The following EED variants were observed in gnomAD, a reference collection of about 807,000 sequenced individuals.
EED encodes polycomb protein EED.
A neutral mutation model predicts 61.0 loss-of-function variants in EED; 9 were observed. That is an observed-to-expected ratio of 0.15 (90% confidence interval 0.09 to 0.26). The LOEUF (loss-of-function observed/expected upper bound fraction) is 0.26. EED is among the 10% of genes least tolerant of loss of function. The pLI, the probability that EED is intolerant of heterozygous loss-of-function variation, is 1.00. For synonymous variants in EED, 187 were observed against 174.4 expected (o/e 1.07, Z -0.57); for missense variants, 315 against 542.3 (o/e 0.58, Z 4.16).
intron 1 of EED, 131 bp from the exon 2 acceptor site, chr11:86,250,165 G>A (rs1945494207): frequency 1.3e-6 from 1 of 763,044 alleles, no homozygotes; most frequent in African/African-American, 1.8e-5. Context: ...TTATGTGGAG[G>A]CAAGAATACA....
chr11:86,287,546 A>G, the EED span, among the ~76,000 whole-genome samples: 2 of 152,168 alleles, frequency 1.3e-5, no homozygotes, highest in Non-Finnish European at 2.9e-5. Flanking sequence ...TTTCTCTTAC[A>G]TTTCTGCATA....
downstream of EED, among the ~76,000 whole-genome samples, chr11:86,281,020 A>G (rs936349812): frequency 2.0e-5 from 3 of 152,224 alleles, no homozygotes; most frequent in Non-Finnish European, 2.9e-5. Flanking sequence ...TAAATCCCAC[A>G]TGGTCATGGT....
chr11:86,257,340 CTTTTTTT>C (rs374892814), intron 5 of EED, among the ~76,000 whole-genome samples, 168 bp from the exon 6 acceptor site: 2 of 101,812 alleles, frequency 2.0e-5, no homozygotes, highest in East Asian at 5.3e-4. Context: ...TGCCTGGGGT[CTTTTTTT>C]TTTTTTTTTT....
intron 1 of EED, among the ~76,000 whole-genome samples, chr11:86,248,345 T>G (rs534608899): frequency 6.6e-6 from 1 of 152,332 alleles, no homozygotes. Flanking sequence ...ATAAGCAACG[T>G]GCCCTATTAA....
At chr11:86,249,627 A>C (rs1337651857) in intron 1 of EED, among the ~76,000 whole-genome samples, 1 of 152,078 alleles carries the variant, frequency 6.6e-6, no homozygotes, top group Non-Finnish European at 1.5e-5. Context: ...ATTTACTTTA[A>C]TTGTGATTGA....
intron 9 of EED, 49 bp from the exon 10 acceptor site, chr11:86,276,931 T>G (rs1273207406): frequency 7.0e-7 from 1 of 1,418,918 alleles, no homozygotes. Flanking sequence ...CTTTGTAAGA[T>G]TCAGTTCCTC....
chr11:86,268,634 TGC>T lies in EED; in HGVS notation c.966+76_966+77del, dbSNP rs1179392675. ...GTGTGTGTGTGTGTGTGTATGTGTG[TGC>T]GCATGTTGGAACTTGGCAGGGAGCA... is the stretch of plus-strand genomic sequence containing the variant. On this transcript the variant is annotated intron_variant, in intron 9 of 11. Transcript: ENST00000263360. The T allele has an allele frequency of 4.5e-4, 466 of 1,028,922 alleles. 5 individuals are homozygous for T. The African/African-American group carries it at 6.9e-3, about 15-fold the overall frequency. 63.7% of individuals were successfully genotyped at this position (1,028,922 alleles called of 1,614,324 possible).
At chr11:86,250,230 A>G (rs1945495417) in intron 1 of EED, 66 bp from the exon 2 acceptor site, 1 of 1,348,412 alleles carries the variant, frequency 7.4e-7, no homozygotes. Flanking sequence ...TCTTCCCAGT[A>G]GAGTTATTTA....
chr11:86,256,184 A>G (rs1047449858), intron 4 of EED, among the ~76,000 whole-genome samples: 1 of 152,218 alleles, frequency 6.6e-6, no homozygotes, highest in Non-Finnish European at 1.5e-5. Flanking sequence ...AGTAAACAAA[A>G]TTGAGTGGAG....
chr11:86,250,544 G>T (rs549688551), intron 2 of EED, 96 bp downstream of exon 2: 1 of 1,291,346 alleles, frequency 7.7e-7, no homozygotes, highest in South Asian at 2.4e-5. Flanking sequence ...CTGTCAAGTT[G>T]TAAATATTTT....
chr11:86,245,681 T>G (rs1945375130), intron 1 of EED, among the ~76,000 whole-genome samples: 1 of 151,914 alleles, frequency 6.6e-6, no homozygotes, highest in Non-Finnish European at 1.5e-5. Context: ...AAAGGCACGT[T>G]AGAGACTTTT....
intron 8 of EED, among the ~76,000 whole-genome samples, chr11:86,267,016 A>G (rs1211302845): frequency 6.6e-6 from 1 of 152,182 alleles, no homozygotes; most frequent in East Asian, 1.9e-4. Flanking sequence ...TCTAAGAATT[A>G]TTAAAAGTTT....
At chr11:86,247,132 T>C (rs1945411728) in intron 1 of EED, among the ~76,000 whole-genome samples, 1 of 152,262 alleles carries the variant, frequency 6.6e-6, no homozygotes, top group Admixed American at 6.5e-5. Context: ...GCTTATTTTC[T>C]TCTTGCAGAC....
At position 86,264,237 on chromosome 11, in the gene EED, G is replaced by A; in HGVS notation, c.700G>A (p.Gly234Arg). ...GGTGGCAATATTTGGAGGCGTAGAAGGGCACAGAGATGAAGTTCTAAGTGC... is the reference window on the plus strand; with the variant it reads ...GGTGGCAATATTTGGAGGCGTAGAAAGGCACAGAGATGAAGTTCTAAGTGC... Reference protein sequence around the residue: ...TLVAIFGGVEGHRDEVLSADY... With the variant: ...TLVAIFGGVERHRDEVLSADY... The change falls in exon 7 of 12, where the codon GGG becomes AGG. Residue 234 changes from glycine to arginine, a missense_variant. Coordinates refer to ENST00000263360, the MANE Select transcript of EED (RefSeq NM_003797.5). 1 of 1,613,902 alleles carries A rather than the reference G, an allele frequency of 6.2e-7. No homozygotes were observed. The highest frequency in any genetic ancestry group is 8.5e-7 in the Non-Finnish European group (1 of 1,179,872).
chr11:86,276,890 A>AT, intron 9 of EED, 90 bp from the exon 10 acceptor site: 1 of 1,220,362 alleles, frequency 8.2e-7, no homozygotes, highest in Non-Finnish European at 1.1e-6. Flanking sequence ...AGAGCTGTGA[A>AT]TTCCAAAACA....
chr11:86,278,677 C>T lies in EED; in HGVS notation c.*152C>T. On this transcript the variant is annotated 3_prime_UTR_variant, in exon 12 of 12. Transcript: ENST00000263360. ...AATGTAGTGATGTTTACATTGTTTA[C>T]ATTCTTTGTACTGTCTTCCTGCTCA... 1 of 994,200 alleles carries T rather than the reference C, an allele frequency of 1.0e-6. No individual in the cohort carries two copies. Among genetic ancestry groups the T allele is most frequent in the African/African-American group, 1.6e-5 (1 of 61,320 alleles). 61.6% of individuals were successfully genotyped at this position (994,200 alleles called of 1,614,324 possible).
downstream of EED, among the ~76,000 whole-genome samples, chr11:86,280,928 C>CAG (rs1326871634): frequency 6.6e-6 from 1 of 152,078 alleles, no homozygotes; most frequent in Admixed American, 6.5e-5. Flanking sequence ...TGATAATGTA[C>CAG]AGTTTTTGTC....
chr11:86,258,716 C>T (rs1431347192), intron 6 of EED, among the ~76,000 whole-genome samples: 3 of 149,664 alleles, frequency 2.0e-5, no homozygotes, highest in East Asian at 3.9e-4. Context: ...CCACCATGCC[C>T]GGCTAATTTT....
chr11:86,287,089 A>T, the EED span, among the ~76,000 whole-genome samples: 1 of 150,264 alleles, frequency 6.7e-6, no homozygotes. Context: ...GAAATTTTCT[A>T]TTTCTTTTTT....
Sources: allele counts gnomAD v4.1 joint callset (sites outside exome capture counted in the v4.1 genomes callset), GRCh38; gene constraint gnomAD v4.1.1; transcripts MANE v1.5; gene names NCBI Gene and HGNC (gene_info 2026-07-23, HGNC 2026-07-21).